MYCBP2: variants seen among roughly 807,000 people sequenced by gnomAD.
MYCBP2 encodes the protein MYC binding protein 2, also known as E3 ubiquitin-protein ligase MYCBP2.
In MYCBP2, 120 loss-of-function variants were observed where a neutral mutation model predicts 525.3. The observed-to-expected ratio is 0.23, with a 90% CI of 0.20 to 0.27. The LOEUF is 0.27. Among genes scored for constraint, MYCBP2 ranks in the 10% least tolerant of loss-of-function variants. The pLI is 1.00. For missense variants in MYCBP2, 4,149 were observed against 5,657.1 expected (o/e 0.73, Z 8.55); for synonymous variants, 1,894 against 1,955.8 (o/e 0.97, Z 0.83).
Position 77,261,469 on chromosome 13 carries a change from G to T in MYCBP2, c.1648-94C>A, listed in dbSNP as rs1207606971. 12 of 924,926 alleles carry T rather than the reference G, an allele frequency of 1.3e-5. No homozygotes were observed. In the East Asian group the frequency reaches 3.3e-4, roughly 25 times the overall value. The allele number at this position is 924,926 out of a possible 1,614,324, so 57.3% of individuals were successfully genotyped here. A position where few individuals can be genotyped will look rare whatever the true frequency, so the allele number is the denominator to read the frequency against. On this transcript the variant is annotated intron_variant, in intron 11 of 82. Coordinates refer to ENST00000544440, the MANE Select transcript of MYCBP2 (RefSeq NM_015057.5). ...AAAAAAAGGACATCAATATTTTATT[G>T]AAAAATAAAATTCACATAAAAACAA...
chr13:77,186,690 T>C (rs1040471274), intron 30 of MYCBP2, among the ~76,000 whole-genome samples: 11 of 152,158 alleles, frequency 7.2e-5, no homozygotes, highest in Admixed American at 3.3e-4. Flanking sequence ...TCTAGTCTTC[T>C]GGTTTTATCA....
intron 52 of MYCBP2, among the ~76,000 whole-genome samples, chr13:77,127,809 C>T (rs972497443): frequency 3.3e-5 from 5 of 151,786 alleles, no homozygotes; most frequent in Non-Finnish European, 7.4e-5. Flanking sequence ...TGTATACCTG[C>T]TACTTTGTTA....
intron 1 of MYCBP2, among the ~76,000 whole-genome samples, chr13:77,303,305 C>A (rs1594789155): frequency 6.6e-6 from 1 of 152,238 alleles, no homozygotes; most frequent in Non-Finnish European, 1.5e-5. Context: ...TGTCCTCCAG[C>A]CTGGGCGACA....
chr13:77,171,450 A>G (rs1441875917), intron 38 of MYCBP2, 42 bp downstream of exon 38: 1 of 1,583,018 alleles, frequency 6.3e-7, no homozygotes, highest in Non-Finnish European at 8.6e-7. Context: ...TTTAGTGAAT[A>G]AAGAATCTAA....
intron 14 of MYCBP2, among the ~76,000 whole-genome samples, chr13:77,256,734 T>TCAA (rs2072256886): frequency 6.6e-6 from 1 of 151,990 alleles, no homozygotes; most frequent in Non-Finnish European, 1.5e-5. Flanking sequence ...CAATAACAAA[T>TCAA]GTTGGAGAGG....
intron 44 of MYCBP2, 146 bp downstream of exon 44, chr13:77,161,760 A>C: frequency 3.4e-6 from 2 of 580,368 alleles, no homozygotes; most frequent in Non-Finnish European, 6.0e-6. Context: ...GGGAGCAATG[A>C]TAAGTTATTT....
At chr13:77,245,320 T>A (rs2069660075) in intron 15 of MYCBP2, among the ~76,000 whole-genome samples, 1 of 152,096 alleles carries the variant, frequency 6.6e-6, no homozygotes, top group Admixed American at 6.5e-5. Flanking sequence ...GTTTATTTCA[T>A]CATTATTCAC....
chr13:77,165,411 T>C lies in MYCBP2; in HGVS notation c.6341-20A>G. 6.5e-7 allele frequency: 1 copy of C among 1,537,970 alleles called. No homozygotes were observed. Among genetic ancestry groups the C allele is most frequent in the South Asian group, 1.2e-5 (1 of 83,792 alleles). On this transcript the variant is annotated intron_variant, in intron 41 of 82. Transcript: ENST00000544440. ...CATTTCCTAATAAAAATGCCAGAAT[T>C]GAGTTCAAACTCTAAAACAATTTTA...
chr13:77,067,254 ATATT>A (rs1026888084), intron 71 of MYCBP2, among the ~76,000 whole-genome samples: 3 of 152,108 alleles, frequency 2.0e-5, no homozygotes, highest in African/African-American at 7.2e-5. Context: ...TTATTCCCCC[ATATT>A]TATTTCTTTT....
In MYCBP2 at chr13:77,174,461, C is replaced by G; in HGVS notation, c.5501G>C (p.Arg1834Thr). ...KENVKYAVRLRNYGSRTANGD... is the reference protein window; with the variant it reads ...KENVKYAVRLTNYGSRTANGD... Reference sequence around the variant, plus strand: ...ATTGGCTGTACGGCTTCCATAGTTCCTCAAGCGCACAGCATATTTAACATT... The same window carrying G: ...ATTGGCTGTACGGCTTCCATAGTTCGTCAAGCGCACAGCATATTTAACATT... Residue 1834 changes from arginine (R) to threonine (T), a missense_variant, in exon 37 of 83, where the codon AGG (arginine) becomes ACG (threonine). This residue lies in a region of MYCBP2 where 109 missense variants were observed against 118.9 expected (regional missense o/e 0.92). Coordinates refer to ENST00000544440, the MANE Select transcript of MYCBP2 (RefSeq NM_015057.5). 1.9e-6 allele frequency: 3 copies of G among 1,613,942 alleles called. No homozygotes were observed. Among genetic ancestry groups the G allele is most frequent in the Non-Finnish European group, 2.5e-6 (3 of 1,179,896 alleles).
At chr13:77,257,526 A>C in intron 14 of MYCBP2, 145 bp downstream of exon 14, 1 of 780,152 alleles carries the variant, frequency 1.3e-6, no homozygotes, top group Non-Finnish European at 1.9e-6. Context: ...ATCTACCCAT[A>C]AAATTTTTAA....
chr13:77,064,074 A>T (rs1055961481), intron 73 of MYCBP2, among the ~76,000 whole-genome samples: 1 of 152,200 alleles, frequency 6.6e-6, no homozygotes, highest in Admixed American at 6.6e-5. Flanking sequence ...CTAGCAGGTT[A>T]AAACTTACTA....
intron 1 of MYCBP2, among the ~76,000 whole-genome samples, chr13:77,298,787 T>C (rs563252799): frequency 6.6e-6 from 1 of 152,270 alleles, no homozygotes; most frequent in East Asian, 1.9e-4. Context: ...TAGTATGCCA[T>C]AAAAGTAAAG....
At chr13:77,101,872 G>C (rs1298406202) in intron 55 of MYCBP2, among the ~76,000 whole-genome samples, 2 of 151,904 alleles carry the variant, frequency 1.3e-5, no homozygotes, top group African/African-American at 4.8e-5. Context: ...ACTAAAAATT[G>C]TATGTTGTGG....
chr13:77,314,213 T>C (rs1178032612), intron 1 of MYCBP2, among the ~76,000 whole-genome samples: 1 of 152,220 alleles, frequency 6.6e-6, no homozygotes, highest in East Asian at 1.9e-4. Flanking sequence ...CCAATGTATA[T>C]GTACTTCAAA....
In MYCBP2 at chr13:77,125,482, A is replaced by G. The variant is rs1464124246; in HGVS notation, c.7885-14T>C. The G allele has an allele frequency of 6.2e-7, 1 of 1,612,286 alleles. No individual in the cohort carries two copies. Among genetic ancestry groups the G allele is most frequent in the Non-Finnish European group, 8.5e-7 (1 of 1,179,244 alleles). The stretch of plus-strand genomic sequence containing the variant: ...AGAATTGGTTACCTGGTACATAACA[A>G]AAAGCATGATTGATTGGCTTGATTC... On this transcript the variant is annotated splice_polypyrimidine_tract_variant and intron_variant, in intron 53 of 82. Transcript: ENST00000544440.
chr13:77,130,051 T>C, intron 52 of MYCBP2, among the ~76,000 whole-genome samples: 1 of 151,848 alleles, frequency 6.6e-6, no homozygotes, highest in Middle Eastern at 3.8e-3. Flanking sequence ...AATGTTTTAC[T>C]GATAATTTAA....
At chr13:77,274,882 TCTTCA>T (rs1359813548) in intron 4 of MYCBP2, among the ~76,000 whole-genome samples, 1 of 152,270 alleles carries the variant, frequency 6.6e-6, no homozygotes, top group Non-Finnish European at 1.5e-5. Flanking sequence ...CCCCTTCCTC[TCTTCA>T]CTTGTCTGTA....
At chr13:77,174,589 G>A in intron 36 of MYCBP2, 100 bp from the exon 37 acceptor site, 1 of 854,256 alleles carries the variant, frequency 1.2e-6, no homozygotes, top group Non-Finnish European at 1.8e-6. Context: ...GAAATTCTTT[G>A]TCATATTTAC....
Sources: gnomAD v4.1 joint callset for allele counts (sites outside exome capture counted in the v4.1 genomes callset) on GRCh38, gnomAD v4.1.1 for gene constraint, gnomAD v4.1.1 regional missense constraint, MANE v1.5 for transcripts, NCBI Gene and HGNC (gene_info 2026-07-23, HGNC 2026-07-21) for gene names.